The following MANBA variants were observed in gnomAD, a reference collection of about 807,000 sequenced individuals.
The protein encoded by MANBA is beta-mannosidase.
MANBA carries 83 observed loss-of-function variants against 111.1 expected under a neutral mutation model. The observed-to-expected ratio is 0.75, with a 90% CI of 0.63 to 0.90. The LOEUF (loss-of-function observed/expected upper bound fraction) is 0.90. Among genes scored for constraint, MANBA ranks in the 40% least tolerant of loss-of-function variants. The pLI is 0.00. For synonymous variants in MANBA, 370 were observed against 378.7 expected (o/e 0.98, Z 0.27); for missense variants, 1,036 against 1,069.0 (o/e 0.97, Z 0.43).
chr4:102,664,604 C>T lies in MANBA; in HGVS notation c.1485+81G>A. ...CCGCCCGCCTCAGCCTCCCAAAGTG[C>T]TGGGATTACAGGCGTGAGCCACCAC... is the stretch of plus-strand genomic sequence containing the variant. On this transcript the variant is annotated intron_variant, in intron 11 of 16. Transcript: ENST00000647097. 3.2e-6 allele frequency: 4 copies of T among 1,268,428 alleles called. No individual in the cohort carries two copies. The Middle Eastern group carries it at 5.7e-4, about 181-fold the overall frequency. The allele number at this position is 1,268,428 out of a possible 1,614,324, so 78.6% of individuals were successfully genotyped here.
chr4:102,741,662 G>A (rs1257250956), intron 1 of MANBA, among the ~76,000 whole-genome samples: 1 of 152,202 alleles, frequency 6.6e-6, no homozygotes, highest in Non-Finnish European at 1.5e-5. Flanking sequence ...TCTAAGTGAA[G>A]TAACTCAGGA....
chr4:102,696,595 T>C (rs756888025), intron 5 of MANBA, among the ~76,000 whole-genome samples: 10 of 152,048 alleles, frequency 6.6e-5, no homozygotes, highest in South Asian at 2.1e-4. Flanking sequence ...GCAGTGAAAG[T>C]TCAGAGGCAG....
In MANBA at chr4:102,631,696, C is replaced by A; in HGVS notation, c.*361G>T. On this transcript the variant is annotated 3_prime_UTR_variant, in exon 17 of 17. Coordinates refer to ENST00000647097, the MANE Select transcript of MANBA (RefSeq NM_005908.4). ...TAGCTGTGAAAGACCTACATCACCTCAAAACCTTCCATTTGGTTCCATAGA... is the reference window on the plus strand; with the variant it reads ...TAGCTGTGAAAGACCTACATCACCTAAAAACCTTCCATTTGGTTCCATAGA... The A allele has an allele frequency of 1.9e-6, 1 of 531,906 alleles. No homozygotes were observed. Among genetic ancestry groups the A allele is most frequent in the South Asian group, 3.3e-5 (1 of 30,672 alleles). The allele number at this position is 531,906 out of a possible 1,614,324, so 32.9% of individuals were successfully genotyped here. A position where few individuals can be genotyped will look rare whatever the true frequency, so the allele number is the denominator to read the frequency against.
At chr4:102,706,011 A>G (rs974004031) in intron 5 of MANBA, among the ~76,000 whole-genome samples, 4 of 152,040 alleles carry the variant, frequency 2.6e-5, no homozygotes, top group African/African-American at 7.2e-5. Context: ...AAACCAGAGG[A>G]TTGTCCTGCC....
chr4:102,695,255 G>T (rs1578910008), intron 5 of MANBA, among the ~76,000 whole-genome samples: 1 of 151,746 alleles, frequency 6.6e-6, no homozygotes, highest in South Asian at 2.1e-4. Context: ...GTAGTTGGAG[G>T]GGGGACAAAA....
chr4:102,710,602 A>T (rs1200130948), intron 5 of MANBA, among the ~76,000 whole-genome samples: 1 of 152,164 alleles, frequency 6.6e-6, no homozygotes. Flanking sequence ...AGCAATCTAC[A>T]GAGTCAATGC....
chr4:102,669,586 G>A (rs1276031305), intron 9 of MANBA, among the ~76,000 whole-genome samples: 4 of 152,244 alleles, frequency 2.6e-5, no homozygotes, highest in Non-Finnish European at 4.4e-5. Context: ...GCTCACGCCT[G>A]TAATCCCAGC....
chr4:102,634,362 T>A (rs1729518822), intron 16 of MANBA, among the ~76,000 whole-genome samples: 2 of 152,362 alleles, frequency 1.3e-5, no homozygotes, highest in South Asian at 4.1e-4. Flanking sequence ...CTACAGGACC[T>A]CGAGCTCATC....
intron 1 of MANBA, among the ~76,000 whole-genome samples, chr4:102,754,642 C>T (rs1459755044): frequency 6.6e-6 from 1 of 151,834 alleles, no homozygotes; most frequent in South Asian, 2.1e-4. Context: ...TTGCAAGCTC[C>T]ACCTCCCGGG....
chr4:102,673,245 G>A (rs1028541746), intron 8 of MANBA, among the ~76,000 whole-genome samples: 24 of 152,150 alleles, frequency 1.6e-4, no homozygotes, highest in African/African-American at 5.3e-4. Context: ...GGTGGCTTAC[G>A]CATGTAATCC....
At position 102,632,151 on chromosome 4, in the gene MANBA, T is replaced by C. The variant is rs1729407747; in HGVS notation, c.2546A>G (p.Lys849Arg). ...FSDNGFLMTE[K>R]TRTILFYPWE... ...AGGGTAAAATAATATAGTTCGTGTC[T>C]TCTCAGTCATGAGGAAACCATTGTC... The change falls in exon 17 of 17, where the codon AAG becomes AGG. Residue 849 changes from lysine to arginine, a missense_variant. Physicochemically the swap from Lys to Arg is conservative, Grantham distance 26. Coordinates refer to ENST00000647097, the MANE Select transcript of MANBA (RefSeq NM_005908.4). 3 of 1,613,480 alleles carry C rather than the reference T, an allele frequency of 1.9e-6. No individual in the cohort carries two copies. The highest frequency in any genetic ancestry group is 2.7e-5 in the African/African-American group (2 of 74,932).
At chr4:102,751,153 C>T in intron 1 of MANBA, among the ~76,000 whole-genome samples, 1 of 152,158 alleles carries the variant, frequency 6.6e-6, no homozygotes, top group East Asian at 1.9e-4. Context: ...CACTGATGCA[C>T]ATATATTGTT....
intron 2 of MANBA, among the ~76,000 whole-genome samples, chr4:102,724,542 CAAAAA>C (rs11454438): frequency 2.5e-5 from 3 of 122,218 alleles, no homozygotes; most frequent in Non-Finnish European, 5.4e-5. Context: ...GATTCCGTCT[CAAAAA>C]AAAAAAAAAA....
Position 102,690,607 on chromosome 4 carries a change from TCA to T in MANBA, c.836_837del (p.Val279GlufsTer3), listed in dbSNP as rs1732429922. On this transcript the variant is annotated frameshift_variant, in exon 6 of 17. Transcript: ENST00000647097. LOFTEE classifies it high-confidence loss of function. The stretch of plus-strand genomic sequence containing the variant: ...GTACCATCATTTACCTTGCTAATGT[TCA>T]CAAATAGCTCAACAATCCTTTTCCC... ...QPGKRIVELF[V>X]NISKNITVET... 1 of 1,611,204 alleles carries T rather than the reference TCA, an allele frequency of 6.2e-7. No individual in the cohort carries two copies. The highest frequency in any genetic ancestry group is 8.5e-7 in the Non-Finnish European group (1 of 1,178,104).
At chr4:102,701,530 CA>C (rs1733042871) in intron 5 of MANBA, among the ~76,000 whole-genome samples, 1 of 152,072 alleles carries the variant, frequency 6.6e-6, no homozygotes, top group Non-Finnish European at 1.5e-5. Context: ...GTGCTTCCTT[CA>C]GGAGCTCTTT....
intron 3 of MANBA, 68 bp downstream of exon 3, chr4:102,723,794 C>T (rs1323063097): frequency 8.2e-6 from 7 of 852,668 alleles, no homozygotes; most frequent in South Asian, 4.5e-5. Context: ...TTACTTTTCT[C>T]TACTCACAAA....
At chr4:102,655,101 GA>G (rs1730505635) in intron 12 of MANBA, among the ~76,000 whole-genome samples, 1 of 151,990 alleles carries the variant, frequency 6.6e-6, no homozygotes, top group East Asian at 1.9e-4. Flanking sequence ...ATAGCGTCAG[GA>G]AGAATAAAAC....
rs70937560 is a variant in MANBA, at chr4:102,670,154, C to CAAA, written c.1231-1108_1231-1106dup. Among the ~76,000 whole-genome samples the CAAA allele has an allele frequency of 7.1e-3, 763 of 107,862 alleles. 27 individuals carry two copies. The highest frequency in any genetic ancestry group is 0.03 in the African/African-American group (705 of 23,574). The allele number at this position is 107,862 out of a possible 152,430, so 70.8% of individuals were successfully genotyped here. A position where few individuals can be genotyped will look rare whatever the true frequency, so the allele number is the denominator to read the frequency against. On this transcript the variant is annotated intron_variant, in intron 9 of 16. Transcript: ENST00000647097. ...TAGGCAACAGAGCCAGACTCCATAT[C>CAAA]AAAAAAAAAAAAAAAAAAAAAAAGA...
rs188902362 is a variant in MANBA, at chr4:102,721,508, T to C, written c.549+1363A>G. On this transcript the variant is annotated intron_variant, in intron 4 of 16. Transcript: ENST00000647097. The stretch of plus-strand genomic sequence containing the variant: ...AGCATTATTCACAATAGTCAAAAGG[T>C]GGAAGCAACCTAAACGTCCGTCAAC... Among the ~76,000 whole-genome samples, 62 of 152,174 alleles carry C rather than the reference T, an allele frequency of 4.1e-4. No individual in the cohort carries two copies. In the East Asian group the frequency reaches 0.011, roughly 28 times the overall value.
Sources: gnomAD v4.1 joint callset for allele counts (sites outside exome capture counted in the v4.1 genomes callset) on GRCh38, gnomAD v4.1.1 for gene constraint, MANE v1.5 for transcripts, NCBI Gene and HGNC (gene_info 2026-07-23, HGNC 2026-07-21) for gene names.